The following SCNN1B variants were observed in gnomAD, a reference collection of about 807,000 sequenced individuals.
SCNN1B encodes the protein epithelial sodium channel subunit beta.
In SCNN1B, 46 loss-of-function variants were observed where a neutral mutation model predicts 65.3. The ratio of observed to expected loss-of-function variants is 0.70; its 90% confidence interval spans 0.56 to 0.90. The LOEUF is 0.90. Among genes scored for constraint, SCNN1B ranks in the 40% least tolerant of loss-of-function variants. SCNN1B has a pLI of 0.00. For synonymous variants in SCNN1B, 349 were observed against 330.6 expected, an observed-to-expected ratio of 1.06 and a Z score of -0.60; for missense variants, 751 against 830.5, an observed-to-expected ratio of 0.90 and a Z score of 1.18.
chr16:23,343,595 G>GAAAGAAAGAA (rs1962112232), intron 1 of SCNN1B, among the ~76,000 whole-genome samples: 1 of 79,374 alleles, frequency 1.3e-5, no homozygotes, highest in Non-Finnish European at 2.5e-5. Context: ...AAGAAAGAAA[G>GAAAGAAAGAA]AAAGAAAGAA....
chr16:23,351,123 C>T (rs1408399519), intron 2 of SCNN1B, among the ~76,000 whole-genome samples: 1 of 152,010 alleles, frequency 6.6e-6, no homozygotes, highest in African/African-American at 2.4e-5. Flanking sequence ...ATTACTTTCC[C>T]AATTATCAGA....
At chr16:23,303,122 T>C (rs941255528) in intron 1 of SCNN1B, among the ~76,000 whole-genome samples, 1 of 152,190 alleles carries the variant, frequency 6.6e-6, no homozygotes, top group Admixed American at 6.5e-5. Flanking sequence ...AGTTGATGTC[T>C]GGACAATGTC....
chr16:23,355,663 G>T (rs1394755700), intron 4 of SCNN1B, among the ~76,000 whole-genome samples, 174 bp downstream of exon 4: 4 of 152,214 alleles, frequency 2.6e-5, no homozygotes, highest in African/African-American at 9.6e-5. Context: ...TGGAGGCAGA[G>T]CCTGAGGCAG....
rs564300473 is a variant in SCNN1B at position 23,348,292 on chromosome 16, T to C, written c.-8-300T>C. 4.4e-4 allele frequency among the ~76,000 whole-genome samples: 67 copies of C among 152,304 alleles called. No homozygotes were observed. The highest frequency in any genetic ancestry group is 1.4e-3 in the African/African-American group (60 of 41,562). ...AGTCACTTGTTCACTAGGTTATGAA[T>C]TCCCAAAGGGCAAAAAACCTTGTCC... On this transcript the variant is annotated intron_variant, in intron 1 of 12. Transcript: ENST00000343070. The surrounding 1 kb of genome is among the most constrained non-coding windows in gnomAD (Gnocchi z 4.5).
intron 1 of SCNN1B, among the ~76,000 whole-genome samples, chr16:23,329,525 T>C (rs550081032): frequency 1.2e-4 from 18 of 152,350 alleles, no homozygotes; most frequent in Non-Finnish European, 2.4e-4. Context: ...CATAGTGCTG[T>C]GAACTACACA....
chr16:23,288,382 G>A (rs1422590070), intron 2 of SCNN1B, among the ~76,000 whole-genome samples: 1 of 152,092 alleles, frequency 6.6e-6, no homozygotes, highest in Non-Finnish European at 1.5e-5. Context: ...TTGCCACGTA[G>A]CAAATTACCA....
At position 23,377,571 on chromosome 16, in the gene SCNN1B, T is replaced by TCC. The variant is rs1327722093; in HGVS notation, c.1404+185_1404+186insCC. Among the ~76,000 whole-genome samples the TCC allele has an allele frequency of 1.7e-4, 4 of 23,324 alleles. 1 individual carries two copies. In the South Asian group the frequency reaches 2.7e-3, roughly 16 times the overall value. 15.3% of individuals were successfully genotyped at this position (23,324 alleles called of 152,430 possible). On this transcript the variant is annotated intron_variant, in intron 10 of 12. Coordinates refer to ENST00000343070, the MANE Select transcript of SCNN1B (RefSeq NM_000336.3). ...ATTCCTTCCTTCCTTCCTCCTCTCT[T>TCC]TTCCCTTCCTCCCTCCCTTCTCCCT...
At chr16:23,285,662 T>A (rs1960840137) in intron 2 of SCNN1B, among the ~76,000 whole-genome samples, 1 of 116,690 alleles carries the variant, frequency 8.6e-6, no homozygotes, top group Non-Finnish European at 1.7e-5. Flanking sequence ...ACAATAATAA[T>A]AAAAAAAAAT....
At chr16:23,320,774 G>C (rs1276524908) in intron 1 of SCNN1B, among the ~76,000 whole-genome samples, 4 of 152,214 alleles carry the variant, frequency 2.6e-5, no homozygotes, top group African/African-American at 9.6e-5. Flanking sequence ...CTGGCCTTCA[G>C]CTTCAGGCCT....
intron 1 of SCNN1B, among the ~76,000 whole-genome samples, chr16:23,281,868 T>C (rs1220650490): frequency 6.6e-6 from 1 of 152,148 alleles, no homozygotes; most frequent in Admixed American, 6.5e-5. Context: ...TCTGTGCTTG[T>C]TTATATGTGG....
At chr16:23,332,649 C>T (rs1378805970) in intron 1 of SCNN1B, among the ~76,000 whole-genome samples, 1 of 152,156 alleles carries the variant, frequency 6.6e-6, no homozygotes, top group Admixed American at 6.5e-5. Context: ...TTTTTATCCC[C>T]TAGGCTCCCT....
intron 1 of SCNN1B, among the ~76,000 whole-genome samples, chr16:23,308,438 G>A (rs1196816209): frequency 2.0e-5 from 3 of 152,078 alleles, no homozygotes; most frequent in Admixed American, 1.3e-4. Context: ...CAGAAGGGTT[G>A]CTTGAGCTCA....
chr16:23,340,464 G>C (rs2142008562), intron 1 of SCNN1B, among the ~76,000 whole-genome samples: 1 of 152,242 alleles, frequency 6.6e-6, no homozygotes, highest in Admixed American at 6.5e-5. Flanking sequence ...ATATAGTGTG[G>C]GGTAGGAGTT....
At chr16:23,373,320 G>T (rs1332853194) in intron 7 of SCNN1B, among the ~76,000 whole-genome samples, 2 of 152,118 alleles carry the variant, frequency 1.3e-5, no homozygotes, top group African/African-American at 4.8e-5. Flanking sequence ...CAGAGACAGA[G>T]TCTTGCTATG....
At chr16:23,341,183 A>G (rs1962048244) in intron 1 of SCNN1B, among the ~76,000 whole-genome samples, 1 of 152,214 alleles carries the variant, frequency 6.6e-6, no homozygotes, top group Non-Finnish European at 1.5e-5. Context: ...ATGCTAAAAC[A>G]TCAGACAAGG....
intron 1 of SCNN1B, among the ~76,000 whole-genome samples, chr16:23,315,990 CCAT>C (rs967546461): frequency 3.3e-5 from 5 of 151,620 alleles, no homozygotes; most frequent in African/African-American, 4.9e-5. Context: ...ACCATCATCG[CCAT>C]CATCATCATC....
intron 2 of SCNN1B, among the ~76,000 whole-genome samples, chr16:23,294,356 C>T (rs1960965984): frequency 6.6e-6 from 1 of 152,018 alleles, no homozygotes; most frequent in Non-Finnish European, 1.5e-5. Context: ...GAGATTGTAC[C>T]ACTGCACTCC....
At chr16:23,307,342 G>A (rs568645715) in intron 1 of SCNN1B, among the ~76,000 whole-genome samples, 33 of 138,428 alleles carry the variant, frequency 2.4e-4, no homozygotes, top group East Asian at 2.2e-3. Context: ...TGTGGGGAAC[G>A]GAGTTTCATT....
intron 2 of SCNN1B, among the ~76,000 whole-genome samples, chr16:23,296,153 CA>C (rs1175069596): frequency 2.0e-5 from 3 of 152,036 alleles, no homozygotes; most frequent in Non-Finnish European, 4.4e-5. Flanking sequence ...CCAGACGTAC[CA>C]GGAGTAGAGG....
Sources: allele counts gnomAD v4.1 joint callset (sites outside exome capture counted in the v4.1 genomes callset), GRCh38; gene constraint gnomAD v4.1.1; non-coding constraint Gnocchi (gnomAD v3.1); transcripts MANE v1.5; gene names NCBI Gene and HGNC (gene_info 2026-07-23, HGNC 2026-07-21).